Variants in ADAM8 observed in about 807,000 individuals in gnomAD.
The protein encoded by ADAM8 is disintegrin and metalloproteinase domain-containing protein 8.
ADAM8 carries 104 observed loss-of-function variants against 102.4 expected under a neutral mutation model. That is an observed-to-expected ratio of 1.02 (90% confidence interval 0.87 to 1.20). The LOEUF is 1.20. ADAM8 is among the 50% of genes most tolerant of loss of function. The pLI is 0.00. For synonymous variants in ADAM8, 517 were observed against 485.2 expected, an observed-to-expected ratio of 1.07 and a Z score of -0.86; for missense variants, 1,132 against 1,159.0, an observed-to-expected ratio of 0.98 and a Z score of 0.34.
chr10:133,272,334 C>T, intron 9 of ADAM8, 60 bp from the exon 10 acceptor site: 1 of 1,440,580 alleles, frequency 6.9e-7, no homozygotes. Context: ...TCCCTCCCAC[C>T]CCAGCCCTGC....
chr10:133,270,988 C>T lies in ADAM8; in HGVS notation c.1457G>A (p.Cys486Tyr), dbSNP rs1846503446. 2 of 1,612,726 alleles carry T rather than the reference C, an allele frequency of 1.2e-6. No homozygotes were observed. The highest frequency in any genetic ancestry group is 4.5e-5 in the East Asian group (2 of 44,902). ...GTTCTCCTGGAAGGCGTCTTCCGGG[C>T]ACTCAGGGTGCCGGCCGTCACAGAA... ...EEFCDGRHPECPEDAFQENGT... is the reference protein window; with the variant it reads ...EEFCDGRHPEYPEDAFQENGT... Residue 486 changes from cysteine to tyrosine, a missense_variant, in exon 14 of 23, where the codon TGC (cysteine) becomes TAC (tyrosine). Cys to Tyr is a radical substitution (Grantham distance 194, BLOSUM62 -2). Coordinates refer to ENST00000445355, the MANE Select transcript of ADAM8 (RefSeq NM_001109.5).
chr10:133,263,773 G>T lies in ADAM8; in HGVS notation c.2320-8C>A. 6.4e-7 allele frequency: 1 copy of T among 1,550,474 alleles called. No homozygotes were observed. The highest frequency in any genetic ancestry group is 1.4e-5 in the African/African-American group (1 of 72,600). On this transcript the variant is annotated splice_polypyrimidine_tract_variant and splice_region_variant and intron_variant, in intron 21 of 22. Transcript: ENST00000445355. ...GAACGTTGGCTTGATGACCTGGGAG[G>T]AAACAGACACAGCTGACATGGGTCC... is the stretch of plus-strand genomic sequence containing the variant.
chr10:133,270,531 G>T (rs375183686), intron 15 of ADAM8, 21 bp from the exon 16 acceptor site: 3 of 1,574,398 alleles, frequency 1.9e-6, no homozygotes. Context: ...ACGGCAGGTC[G>T]TGGGCCAGCT....
At chr10:133,263,312 G>C in intron 22 of ADAM8, 79 bp from the exon 23 acceptor site, 2 of 1,335,326 alleles carry the variant, frequency 1.5e-6, no homozygotes, top group East Asian at 5.0e-5. Flanking sequence ...GAAATTTTAC[G>C]TCCTTTAACA....
Position 133,270,467 on chromosome 10 carries a change from G to A in ADAM8, c.1678C>T (p.Pro560Ser). ...ACGATGCAGATGGCACGCCCCAGGG[G>A]CTGCTGCCCACCCTTGCACTGCAGA... Reference protein sequence around the residue: ...GVLQCKGGQQPLGRAICIVDV... With the variant: ...GVLQCKGGQQSLGRAICIVDV... The change falls in exon 16 of 23, where the codon CCC (proline) becomes TCC (serine). Residue 560 changes from proline (P) to serine (S), a missense_variant. Pro to Ser is a moderately conservative substitution (Grantham distance 74, BLOSUM62 -1). Transcript: ENST00000445355. 2 of 1,604,666 alleles carry A rather than the reference G, an allele frequency of 1.2e-6. No individual in the cohort carries two copies. Among genetic ancestry groups the A allele is most frequent in the Non-Finnish European group, 1.7e-6 (2 of 1,173,494 alleles).
chr10:133,270,073 C>T, intron 16 of ADAM8, 99 bp from the exon 17 acceptor site: 7 of 1,385,006 alleles, frequency 5.1e-6, no homozygotes, highest in Non-Finnish European at 7.0e-6. Flanking sequence ...CTGTGGTCAC[C>T]ACGTCCAAGG....
chr10:133,274,363 T>A lies in ADAM8; in HGVS notation c.151-128A>T, dbSNP rs575424179. 20 of 564,582 alleles carry A rather than the reference T, an allele frequency of 3.5e-5. No homozygotes were observed. In the East Asian group the frequency reaches 7.0e-4, roughly 20 times the overall value. 35.0% of individuals were successfully genotyped at this position (564,582 alleles called of 1,614,324 possible). A position where few individuals can be genotyped will look rare whatever the true frequency, so the allele number is the denominator to read the frequency against. ...CCTCCAGCCCCAGGTCAAGGCTCCA[T>A]CCTGGAGGGTCCACAGCCTCAGGCA... On this transcript the variant is annotated intron_variant, in intron 2 of 22. Coordinates refer to ENST00000445355, the MANE Select transcript of ADAM8 (RefSeq NM_001109.5).
intron 18 of ADAM8, chr10:133,269,105 G>A: frequency 1.0e-6 from 1 of 985,456 alleles, no homozygotes; most frequent in Non-Finnish European, 1.2e-6. Context: ...TGATGCTCTG[G>A]ACGACCACAT....
chr10:133,273,999 G>A lies in ADAM8; in HGVS notation c.258C>T (p.Thr86=), dbSNP rs757189684. 1 of 1,608,206 alleles carries A rather than the reference G, an allele frequency of 6.2e-7. No homozygotes were observed. The highest frequency in any genetic ancestry group is 8.5e-7 in the Non-Finnish European group (1 of 1,178,778). The change falls in exon 4 of 23, where the codon ACC becomes ACT. Residue 86 remains threonine (T), a synonymous_variant. Coordinates refer to ENST00000445355, the MANE Select transcript of ADAM8 (RefSeq NM_001109.5). ...RDLLGSGYTE[T]YTAANGSEVT... ...CCTCGGAGCCATTGGCAGCCGTATAGGTCTCTGTGTAGCCGGAGCCCAGCA... is the reference window on the plus strand; with the variant it reads ...CCTCGGAGCCATTGGCAGCCGTATAAGTCTCTGTGTAGCCGGAGCCCAGCA...
chr10:133,275,319 C>T (rs1846711453), intron 2 of ADAM8, among the ~76,000 whole-genome samples, 165 bp downstream of exon 2: 3 of 152,200 alleles, frequency 2.0e-5, no homozygotes, highest in Admixed American at 6.5e-5. Context: ...AGCCCTCAGG[C>T]AGTGCTGGAG....
chr10:133,263,231 A>G lies in ADAM8; in HGVS notation c.2400T>C (p.Gly800=). ...AGAANPGPAE[G]AVGPKVALKP... is the part of the protein sequence containing the mutation. Reference sequence around the variant, plus strand: ...TCAGGGCAACCTTTGGGCCAACAGCACCCTGGGAGGAGGAAAAGATAATTG... The same window carrying G: ...TCAGGGCAACCTTTGGGCCAACAGCGCCCTGGGAGGAGGAAAAGATAATTG... Residue 800 remains glycine, a splice_region_variant and synonymous_variant, in exon 23 of 23, where the codon GGT becomes GGC. Coordinates refer to ENST00000445355, the MANE Select transcript of ADAM8 (RefSeq NM_001109.5). 1 of 1,602,648 alleles carries G rather than the reference A, an allele frequency of 6.2e-7. No homozygotes were observed. Among genetic ancestry groups the G allele is most frequent in the Non-Finnish European group, 8.5e-7 (1 of 1,173,544 alleles).
intron 1 of ADAM8, 26 bp from the exon 2 acceptor site, chr10:133,275,613 T>C: frequency 2.2e-6 from 3 of 1,338,288 alleles, no homozygotes; most frequent in East Asian, 3.0e-5. Flanking sequence ...TCAGCAGGCA[T>C]GAGGGGCCGG....
chr10:133,268,840 G>T lies in ADAM8; in HGVS notation c.1971C>A (p.Phe657Leu). 6.2e-7 allele frequency: 1 copy of T among 1,609,458 alleles called. No homozygotes were observed. Among genetic ancestry groups the T allele is most frequent in the Non-Finnish European group, 8.5e-7 (1 of 1,179,874 alleles). Residue 657 changes from phenylalanine (F) to leucine (L), a missense_variant, in exon 19 of 23, where the codon TTC (phenylalanine) becomes TTA (leucine). Coordinates refer to ENST00000445355, the MANE Select transcript of ADAM8 (RefSeq NM_001109.5). ...CCAGGAGCACCAGAACCACCACCAC[G>T]AAGACGGGGAGGCTCCCGGACGCTG... ...VHAASGSLPV[F>L]VVVVLVLLAV...
chr10:133,268,902 G>C, intron 18 of ADAM8, 40 bp from the exon 19 acceptor site: 1 of 1,587,660 alleles, frequency 6.3e-7, no homozygotes, highest in East Asian at 2.3e-5. Flanking sequence ...GGCAGGCCGC[G>C]ACCTCAGGCA....
intron 16 of ADAM8, 142 bp from the exon 17 acceptor site, chr10:133,270,116 A>AC: frequency 8.6e-7 from 1 of 1,162,020 alleles, no homozygotes; most frequent in Non-Finnish European, 1.2e-6. Context: ...CCGGCTGCCT[A>AC]CCCCCAAAGC....
intron 10 of ADAM8, 31 bp from the exon 11 acceptor site, chr10:133,271,985 T>C (rs754921434): frequency 9.4e-6 from 15 of 1,598,326 alleles, no homozygotes; most frequent in Non-Finnish European, 1.2e-5. Context: ...TCAGGAACCA[T>C]GTGGCCAACT....
chr10:133,268,968 C>T (rs556812328), intron 18 of ADAM8, 106 bp from the exon 19 acceptor site: 9 of 1,504,722 alleles, frequency 6.0e-6, no homozygotes, highest in Middle Eastern at 1.8e-4. Context: ...AGGCTGTGCC[C>T]TGTGGACCCC....
In ADAM8 at chr10:133,274,143, C is replaced by G. The variant is rs917615949; in HGVS notation, c.227+16G>C. 1 of 1,583,246 alleles carries G rather than the reference C, an allele frequency of 6.3e-7. No individual in the cohort carries two copies. The highest frequency in any genetic ancestry group is 2.3e-5 in the East Asian group (1 of 44,440). On this transcript the variant is annotated intron_variant, in intron 3 of 22. Transcript: ENST00000445355. The stretch of plus-strand genomic sequence containing the variant: ...AGCCAGGCCCGGGCAGGGGGGCCGA[C>G]CCGAGACCCACTCACCTGTTCTTCC...
intron 17 of ADAM8, 111 bp from the exon 18 acceptor site, chr10:133,269,640 C>T (rs1043337512): frequency 1.8e-5 from 21 of 1,148,108 alleles, no homozygotes; most frequent in East Asian, 5.2e-5. Flanking sequence ...GAGGGCCCCT[C>T]GGTCCCTGCC....
Sources: allele counts gnomAD v4.1 joint callset (sites outside exome capture counted in the v4.1 genomes callset), GRCh38; gene constraint gnomAD v4.1.1; transcripts MANE v1.5; gene names NCBI Gene and HGNC (gene_info 2026-07-23, HGNC 2026-07-21).